Variants in NTM observed in about 807,000 individuals in gnomAD.
The protein encoded by NTM is neurotrimin, also known as IgLON family member 2.
A neutral mutation model predicts 42.1 loss-of-function variants in NTM; 13 were observed. The observed-to-expected ratio is 0.31, with a 90% CI of 0.20 to 0.49. The LOEUF (loss-of-function observed/expected upper bound fraction) is 0.49, where lower values mean the gene tolerates loss of function less well. NTM is among the 20% of genes least tolerant of loss of function. The probability of loss-of-function intolerance (pLI) is 0.99; values close to 1 mark genes in which losing one functional copy is unlikely to be tolerated. For synonymous variants in NTM, 187 were observed against 179.2 expected (o/e 1.04, Z -0.35); for missense variants, 373 against 452.8 (o/e 0.82, Z 1.60).
At position 132,126,437 on chromosome 11, in the gene NTM, T is replaced by C. The variant is rs185695472; in HGVS notation, c.168-19845T>C. On this transcript the variant is annotated intron_variant, in intron 2 of 8. Transcript: ENST00000683400. The stretch of plus-strand genomic sequence containing the variant: ...TCTGTGATAAGTGGGGGCTGAGCTG[T>C]TTGTGTTATGCAGAGGCTGACAAAA... 7.9e-5 allele frequency among the ~76,000 whole-genome samples: 12 copies of C among 152,206 alleles called. No individual in the cohort carries two copies. In the East Asian group the frequency reaches 2.1e-3, roughly 27 times the overall value.
At chr11:132,122,389 G>A (rs998357662) in intron 2 of NTM, among the ~76,000 whole-genome samples, 1 of 152,206 alleles carries the variant, frequency 6.6e-6, no homozygotes, top group South Asian at 2.1e-4. Flanking sequence ...CAACTCTGTA[G>A]TCAGCAAATC....
At chr11:131,801,904 C>G (rs577596674) in intron 1 of NTM, among the ~76,000 whole-genome samples, 5 of 152,254 alleles carry the variant, frequency 3.3e-5, no homozygotes, top group African/African-American at 1.2e-4. Flanking sequence ...CTGTGCCACC[C>G]ACACAGACCT....
intron 1 of NTM, among the ~76,000 whole-genome samples, chr11:131,695,768 G>A (rs933396912): frequency 6.6e-6 from 1 of 152,140 alleles, no homozygotes; most frequent in East Asian, 1.9e-4. Context: ...CGTTTCCCAC[G>A]TAATCCTTAA....
At chr11:131,461,584 C>T (rs2136112931) in intron 1 of NTM, among the ~76,000 whole-genome samples, 1 of 152,186 alleles carries the variant, frequency 6.6e-6, no homozygotes, top group South Asian at 2.1e-4. Context: ...AGGATACAAA[C>T]TTGTAGCTGT....
intron 4 of NTM, among the ~76,000 whole-genome samples, chr11:132,289,480 C>T (rs535043559): frequency 1.3e-5 from 2 of 152,180 alleles, no homozygotes; most frequent in South Asian, 4.2e-4. Context: ...CCGTGATTTC[C>T]CCCTGCTCTC....
chr11:131,962,544 G>A (rs913392059), intron 2 of NTM, among the ~76,000 whole-genome samples: 4 of 152,174 alleles, frequency 2.6e-5, no homozygotes, highest in East Asian at 3.9e-4. Flanking sequence ...ACCAGGAGGC[G>A]GGCCCTTGCC....
chr11:132,278,880 G>T (rs773586826), intron 4 of NTM, among the ~76,000 whole-genome samples: 1 of 151,286 alleles, frequency 6.6e-6, no homozygotes, highest in African/African-American at 2.4e-5. Flanking sequence ...ATTCAACCCC[G>T]CAGCTATAAC....
chr11:131,433,485 T>C (rs145593040), intron 1 of NTM, among the ~76,000 whole-genome samples: 5 of 152,316 alleles, frequency 3.3e-5, no homozygotes, highest in African/African-American at 7.2e-5. Context: ...TTATTTATTA[T>C]TATGATTATC....
intron 1 of NTM, among the ~76,000 whole-genome samples, chr11:131,414,182 A>G (rs1041936379): frequency 1.3e-5 from 2 of 152,200 alleles, no homozygotes; most frequent in African/African-American, 4.8e-5. Flanking sequence ...AGCATGAAGC[A>G]GGTAAACTCT....
chr11:132,169,320 C>CTTTTTTTTTTTTTTTTTT lies in NTM; in HGVS notation c.400+22821_400+22838dup, dbSNP rs567723794. Among the ~76,000 whole-genome samples the CTTTTTTTTTTTTTTTTTT allele has an allele frequency of 1.5e-3, 48 of 32,370 alleles. 18 individuals carry two copies. The highest frequency in any genetic ancestry group is 2.6e-3 in the Admixed American group (4 of 1,512). The allele number at this position is 32,370 out of a possible 152,430, so 21.2% of individuals were successfully genotyped here. A position where few individuals can be genotyped will look rare whatever the true frequency, so the allele number is the denominator to read the frequency against. On this transcript the variant is annotated intron_variant, in intron 3 of 8. Transcript: ENST00000683400. ...GTGATATCTAGGTTTAATTTTTTTACTTTTTTTTTTTTTTTTTTTTTTTTT... is the reference window on the plus strand; with the variant it reads ...GTGATATCTAGGTTTAATTTTTTTACTTTTTTTTTTTTTTTTTTTTTTTTTTTTTTTTTTTTTTTTTTT...
rs182601494 is a variant in NTM, at chr11:131,474,921, C to T, written c.82+104033C>T. ...AAGTCCAAGCTGCTTTATGTCACAA[C>T]GAAAGGCTTAATATATGTGATGCTG... On this transcript the variant is annotated intron_variant, in intron 1 of 8. Coordinates refer to ENST00000683400, the MANE Select transcript of NTM (RefSeq NM_001352005.2). 5.3e-5 allele frequency among the ~76,000 whole-genome samples: 8 copies of T among 152,308 alleles called. No homozygotes were observed. The South Asian group carries it at 6.2e-4, about 12-fold the overall frequency.
At chr11:131,802,234 C>T (rs2092178860) in intron 1 of NTM, among the ~76,000 whole-genome samples, 1 of 152,198 alleles carries the variant, frequency 6.6e-6, no homozygotes, top group African/African-American at 2.4e-5. Flanking sequence ...TAATGCCTCT[C>T]AGAAAATTCT....
intron 2 of NTM, among the ~76,000 whole-genome samples, chr11:131,938,218 A>G (rs981290148): frequency 2.0e-5 from 3 of 152,180 alleles, no homozygotes; most frequent in African/African-American, 7.2e-5. Context: ...TGGGAAGAAA[A>G]GGACAGGTGA....
intron 1 of NTM, among the ~76,000 whole-genome samples, chr11:131,487,102 C>G (rs988624122): frequency 6.6e-6 from 1 of 152,210 alleles, no homozygotes; most frequent in Non-Finnish European, 1.5e-5. Flanking sequence ...GCTCCACCAC[C>G]AGGAGGGCCT....
chr11:131,998,308 T>G (rs1593543502), intron 2 of NTM, among the ~76,000 whole-genome samples: 2 of 151,918 alleles, frequency 1.3e-5, no homozygotes, highest in South Asian at 4.2e-4. Context: ...AGCACGGAGG[T>G]AGTTAAAATT....
chr11:131,879,134 T>A (rs2049059747), intron 1 of NTM, among the ~76,000 whole-genome samples: 1 of 152,176 alleles, frequency 6.6e-6, no homozygotes, highest in Non-Finnish European at 1.5e-5. Context: ...GAGCAGTTCC[T>A]TGGTCTCCTC....
At chr11:131,866,354 G>T (rs899333092) in intron 1 of NTM, among the ~76,000 whole-genome samples, 4 of 152,264 alleles carry the variant, frequency 2.6e-5, no homozygotes, top group Non-Finnish European at 4.4e-5. Context: ...TCTGCAGGTT[G>T]CTGGCTGTGT....
chr11:132,007,067 G>A (rs541075031), intron 2 of NTM, among the ~76,000 whole-genome samples: 51 of 152,234 alleles, frequency 3.4e-4, no homozygotes, highest in Non-Finnish European at 5.7e-4. Flanking sequence ...GCCCCACTGG[G>A]GGTTCCTGAG....
chr11:131,683,299 G>A (rs549530397), intron 1 of NTM, among the ~76,000 whole-genome samples: 1 of 152,328 alleles, frequency 6.6e-6, no homozygotes, highest in South Asian at 2.1e-4. Context: ...AAGGGACTGG[G>A]GATGTGCACA....
Sources: allele counts gnomAD v4.1 joint callset (sites outside exome capture counted in the v4.1 genomes callset), GRCh38; gene constraint gnomAD v4.1.1; transcripts MANE v1.5; gene names NCBI Gene and HGNC (gene_info 2026-07-23, HGNC 2026-07-21).